Variants in ANK1 observed in about 807,000 individuals in gnomAD.
ANK1 encodes the protein ankyrin 1, also known as ankyrin-1.
ANK1 carries 51 observed loss-of-function variants against 210.4 expected under a neutral mutation model. The observed-to-expected ratio is 0.24, with a 90% CI of 0.19 to 0.31. The LOEUF (loss-of-function observed/expected upper bound fraction) is 0.31, where lower values mean the gene tolerates loss of function less well. Ranked by LOEUF, ANK1 falls within the 10% of genes least tolerant of loss-of-function variation. ANK1 has a pLI of 1.00. For missense variants in ANK1, 2,051 were observed against 2,504.4 expected, an observed-to-expected ratio of 0.82 and a Z score of 3.86; for synonymous variants, 967 against 1,025.9, an observed-to-expected ratio of 0.94 and a Z score of 1.10.
At chr8:41,754,475 T>C (rs961272799) in intron 2 of ANK1, among the ~76,000 whole-genome samples, 7 of 152,190 alleles carry the variant, frequency 4.6e-5, no homozygotes, top group Admixed American at 1.3e-4. Context: ...TTACTTCCTA[T>C]TATGGCAAAC....
At chr8:41,803,153 AAAG>A (rs1402205021) in intron 1 of ANK1, among the ~76,000 whole-genome samples, 137 of 147,360 alleles carry the variant, frequency 9.3e-4, no homozygotes, top group African/African-American at 3.3e-3. Flanking sequence ...GAAAGAAAGA[AAAG>A]AAAAGAGAAA....
intron 1 of ANK1, among the ~76,000 whole-genome samples, chr8:41,814,170 G>C (rs1802929715): frequency 6.6e-6 from 1 of 152,004 alleles, no homozygotes; most frequent in Non-Finnish European, 1.5e-5. Context: ...GACCAGCCTG[G>C]CCAACATGGT....
chr8:41,838,232 G>C (rs1420448131), intron 1 of ANK1, among the ~76,000 whole-genome samples: 1 of 152,192 alleles, frequency 6.6e-6, no homozygotes, highest in Non-Finnish European at 1.5e-5. Flanking sequence ...GGCACAGAAA[G>C]GTTTGGTGAA....
intron 1 of ANK1, among the ~76,000 whole-genome samples, chr8:41,773,910 G>A (rs1437197110): frequency 6.6e-6 from 1 of 152,188 alleles, no homozygotes; most frequent in East Asian, 1.9e-4. Flanking sequence ...TCCCAATAGT[G>A]AGAAATAAAC....
At chr8:41,773,185 T>A (rs967005622) in intron 1 of ANK1, among the ~76,000 whole-genome samples, 6 of 152,070 alleles carry the variant, frequency 3.9e-5, no homozygotes, top group Non-Finnish European at 7.4e-5. Context: ...AATTAAGGTG[T>A]CCTGGGCACC....
At position 41,656,615 on chromosome 8, in the gene ANK1, T is replaced by C. The variant is rs558410389; in HGVS notation, c.*37-862A>G. Among the ~76,000 whole-genome samples, 209 of 152,328 alleles carry C rather than the reference T, an allele frequency of 1.4e-3. 3 individuals are homozygous for C. Among genetic ancestry groups the C allele is most frequent in the Non-Finnish European group, 3.4e-4 (23 of 68,026 alleles). ...CAAGACCAGCCACTCATGTTCTATC[T>C]GCAGGGGCCCTGGGACCACTGGGGA... On this transcript the variant is annotated intron_variant, in intron 42 of 42. Transcript: ENST00000289734.
At chr8:41,812,907 T>C (rs544927350) in intron 1 of ANK1, among the ~76,000 whole-genome samples, 2 of 152,196 alleles carry the variant, frequency 1.3e-5, no homozygotes, top group Admixed American at 6.5e-5. Context: ...CAATGCTTCC[T>C]GGCTCATTGC....
rs898180614 is a variant in ANK1 at position 41,654,402 on chromosome 8, C to G, written c.*1388G>C. The G allele has an allele frequency of 6.5e-5, 10 of 152,688 alleles. No homozygotes were observed. Among genetic ancestry groups the G allele is most frequent in the African/African-American group, 1.9e-4 (8 of 41,462 alleles). 9.5% of individuals were successfully genotyped at this position (152,688 alleles called of 1,614,324 possible). A position where few individuals can be genotyped will look rare whatever the true frequency, so the allele number is the denominator to read the frequency against. The stretch of plus-strand genomic sequence containing the variant: ...CCGGGGAGCCCCCTGGCTCGCCTCT[C>G]CAAGAGGCCACAGGGGCTGGGCAGA... On this transcript the variant is annotated 3_prime_UTR_variant, in exon 43 of 43. Transcript: ENST00000289734.
intron 1 of ANK1, among the ~76,000 whole-genome samples, chr8:41,761,796 A>G (rs1379654026): frequency 6.6e-6 from 1 of 152,102 alleles, no homozygotes; most frequent in African/African-American, 2.4e-5. Flanking sequence ...GGGAGTCCCT[A>G]GGGCATCAGC....
Position 41,713,412 on chromosome 8 carries a change from A to G in ANK1, c.1800+744T>C, listed in dbSNP as rs558793114. On this transcript the variant is annotated intron_variant, in intron 16 of 42. Coordinates refer to ENST00000289734, the MANE Select transcript of ANK1 (RefSeq NM_000037.4). ...GTCCTTCCAGCTTTATCCTTGTACT[A>G]CCCAACCCCGTGGGGTCTTCCAGAA... Among the ~76,000 whole-genome samples the G allele has an allele frequency of 1.8e-3, 270 of 151,960 alleles. 2 individuals carry two copies. The highest frequency in any genetic ancestry group is 2.6e-3 in the Non-Finnish European group (180 of 67,952).
At chr8:41,699,631 G>T in intron 22 of ANK1, 83 bp from the exon 23 acceptor site, 2 of 1,293,118 alleles carry the variant, frequency 1.5e-6, no homozygotes, top group Non-Finnish European at 2.2e-6. Context: ...TTCCCGCTCC[G>T]CCTCTGGGGG....
intron 1 of ANK1, among the ~76,000 whole-genome samples, chr8:41,880,780 C>T (rs1280660414): frequency 6.6e-6 from 1 of 152,248 alleles, no homozygotes; most frequent in Non-Finnish European, 1.5e-5. Flanking sequence ...AACTCAAGCT[C>T]CCTGGCAGGC....
chr8:41,858,460 G>A (rs541025664), intron 1 of ANK1, among the ~76,000 whole-genome samples: 1 of 152,364 alleles, frequency 6.6e-6, no homozygotes, highest in South Asian at 2.1e-4. Flanking sequence ...GAAACACTGG[G>A]GGAGGCCCTG....
rs146341756 is a variant in ANK1, at chr8:41,661,458, G to T, written c.*8C>A. ...CCGAGAGGCTACTCCAAGGAGAGCGGCTCGGGGTCACTGTTTCCCCCTTTT... is the reference window on the plus strand; with the variant it reads ...CCGAGAGGCTACTCCAAGGAGAGCGTCTCGGGGTCACTGTTTCCCCCTTTT... On this transcript the variant is annotated 3_prime_UTR_variant, in exon 42 of 43. Coordinates refer to ENST00000289734, the MANE Select transcript of ANK1 (RefSeq NM_000037.4). 4,088 of 1,614,000 alleles carry T rather than the reference G, an allele frequency of 2.5e-3. 7 individuals are homozygous for T. The highest frequency in any genetic ancestry group is 2.7e-3 in the Non-Finnish European group (3,231 of 1,180,032).
At chr8:41,762,111 C>T (rs1450138799) in intron 1 of ANK1, among the ~76,000 whole-genome samples, 2 of 152,244 alleles carry the variant, frequency 1.3e-5, no homozygotes, top group Non-Finnish European at 2.9e-5. Context: ...ATGAGGCACA[C>T]TCATCTCGCT....
At chr8:41,716,360 C>A (rs931172220) in intron 13 of ANK1, among the ~76,000 whole-genome samples, 8 of 152,064 alleles carry the variant, frequency 5.3e-5, no homozygotes, top group African/African-American at 9.7e-5. Flanking sequence ...CACACCCCCC[C>A]ACTTCCTGTT....
At chr8:41,718,981 G>A (rs941970147) in intron 10 of ANK1, among the ~76,000 whole-genome samples, 17 of 152,320 alleles carry the variant, frequency 1.1e-4, no homozygotes, top group Non-Finnish European at 8.8e-5. Context: ...TTTTTTGAGC[G>A]AGTGAGTGAA....
intron 1 of ANK1, among the ~76,000 whole-genome samples, chr8:41,866,845 T>A (rs1814555551): frequency 6.6e-6 from 1 of 152,224 alleles, no homozygotes. Flanking sequence ...ATTTTCTTTA[T>A]CCACTCACCC....
intron 6 of ANK1, 57 bp downstream of exon 6, chr8:41,725,704 C>A: frequency 1.9e-6 from 3 of 1,570,016 alleles, no homozygotes; most frequent in Non-Finnish European, 2.6e-6. Flanking sequence ...GTGCGCGGTG[C>A]CCCCTGAGCC....
Sources: allele counts gnomAD v4.1 joint callset (sites outside exome capture counted in the v4.1 genomes callset), GRCh38; gene constraint gnomAD v4.1.1; transcripts MANE v1.5; gene names NCBI Gene and HGNC (gene_info 2026-07-23, HGNC 2026-07-21).